PLBD1: variants seen among roughly 807,000 people sequenced by gnomAD.
PLBD1 encodes lysosomal leucine aminopeptidase.
In PLBD1, 60 loss-of-function variants were observed where a neutral mutation model predicts 63.0. That is an observed-to-expected ratio of 0.95 (90% CI 0.77 to 1.18). The LOEUF (loss-of-function observed/expected upper bound fraction) is 1.18. PLBD1 is among the 50% of genes most tolerant of loss of function. The probability of loss-of-function intolerance (pLI) is 0.00; values close to 1 mark genes in which losing one functional copy is unlikely to be tolerated. For missense variants in PLBD1, 598 were observed against 677.9 expected, an observed-to-expected ratio of 0.88 and a Z score of 1.31; for synonymous variants, 262 against 248.0, an observed-to-expected ratio of 1.06 and a Z score of -0.53.
At position 14,503,738 on chromosome 12, in the gene PLBD1, T is replaced by G. The variant is rs571390851; in HGVS notation, c.*34A>C. ...AGCTAAAATAGTGCCTTTGGTATCT[T>G]ATTTACAGTCTTCTAGTCCGTCATC... On this transcript the variant is annotated 3_prime_UTR_variant, in exon 11 of 11. Transcript: ENST00000240617. 12 of 1,567,202 alleles carry G rather than the reference T, an allele frequency of 7.7e-6. No homozygotes were observed. Among genetic ancestry groups the G allele is most frequent in the African/African-American group, 1.4e-5 (1 of 73,508 alleles).
chr12:14,514,838 G>T (rs558986913), intron 6 of PLBD1, among the ~76,000 whole-genome samples: 2 of 151,816 alleles, frequency 1.3e-5, no homozygotes, highest in South Asian at 4.2e-4. Context: ...CTCCCAAAGT[G>T]CTGGGATTAC....
At chr12:14,529,412 A>G (rs1485031558) in intron 6 of PLBD1, among the ~76,000 whole-genome samples, 1 of 152,170 alleles carries the variant, frequency 6.6e-6, no homozygotes, top group Non-Finnish European at 1.5e-5. Flanking sequence ...TGAACTAAAA[A>G]TAAATACAGA....
chr12:14,513,466 A>G (rs2136907006), intron 6 of PLBD1, among the ~76,000 whole-genome samples: 1 of 152,262 alleles, frequency 6.6e-6, no homozygotes, highest in Non-Finnish European at 1.5e-5. Flanking sequence ...AAATCACCCC[A>G]CCAGCCCTAT....
intron 2 of PLBD1, among the ~76,000 whole-genome samples, chr12:14,550,125 T>G (rs1412574434): frequency 6.6e-6 from 1 of 152,252 alleles, no homozygotes; most frequent in Non-Finnish European, 1.5e-5. Flanking sequence ...AACTCACTTC[T>G]TCCACAAAGC....
intron 8 of PLBD1, among the ~76,000 whole-genome samples, chr12:14,509,169 T>G (rs1472871525): frequency 2.0e-5 from 3 of 151,558 alleles, no homozygotes; most frequent in Non-Finnish European, 2.9e-5. Context: ...CCCAGAAGAG[T>G]GTCTAGAATG....
chr12:14,558,495 C>T (rs1945723847), intron 1 of PLBD1, among the ~76,000 whole-genome samples: 1 of 152,146 alleles, frequency 6.6e-6, no homozygotes, highest in South Asian at 2.1e-4. Flanking sequence ...TTCCCTTCCA[C>T]CCTCGACTCC....
chr12:14,553,251 G>C lies in PLBD1; in HGVS notation c.277C>G (p.Leu93Val). ...EIRAGYGSQT[L>V]SNEIIMFVAG... The stretch of plus-strand genomic sequence containing the variant: ...ACAAACATGATGATCTCATTGCTCA[G>C]GGTTTGAGAGCCATAGCCAGCTCTG... Residue 93 changes from leucine to valine, a missense_variant, in exon 2 of 11, where the codon CTG becomes GTG. Physicochemically the swap from Leu to Val is conservative, Grantham distance 32. Coordinates refer to ENST00000240617, the MANE Select transcript of PLBD1 (RefSeq NM_024829.6). 3.1e-6 allele frequency: 5 copies of C among 1,614,152 alleles called. No homozygotes were observed. The highest frequency in any genetic ancestry group is 4.2e-6 in the Non-Finnish European group (5 of 1,180,026).
At chr12:14,540,547 G>GA (rs1945564116) in intron 4 of PLBD1, among the ~76,000 whole-genome samples, 1 of 152,124 alleles carries the variant, frequency 6.6e-6, no homozygotes, top group Non-Finnish European at 1.5e-5. Context: ...ATGGAAGATT[G>GA]AAAATACACA....
At chr12:14,527,899 T>C (rs747407305) in intron 6 of PLBD1, among the ~76,000 whole-genome samples, 1 of 150,410 alleles carries the variant, frequency 6.6e-6, no homozygotes, top group Non-Finnish European at 1.5e-5. Context: ...TATATTAATA[T>C]AAGACAATGT....
At chr12:14,539,559 A>C (rs904887707) in intron 4 of PLBD1, among the ~76,000 whole-genome samples, 7 of 151,698 alleles carry the variant, frequency 4.6e-5, no homozygotes, top group Admixed American at 3.9e-4. Flanking sequence ...GTTGAGGCGG[A>C]TGGATCTTTT....
intron 6 of PLBD1, among the ~76,000 whole-genome samples, chr12:14,512,934 C>T (rs1276134892): frequency 1.3e-5 from 2 of 152,148 alleles, no homozygotes; most frequent in Admixed American, 6.5e-5. Context: ...CTTGGGCTTC[C>T]CAGCCTCCAG....
intron 6 of PLBD1, among the ~76,000 whole-genome samples, chr12:14,530,616 G>A (rs569068781): frequency 6.6e-6 from 1 of 152,260 alleles, no homozygotes; most frequent in African/African-American, 2.4e-5. Context: ...ATTAAAGACT[G>A]AAATAAACAA....
chr12:14,515,360 G>A (rs550164002), intron 6 of PLBD1, among the ~76,000 whole-genome samples: 1 of 152,154 alleles, frequency 6.6e-6, no homozygotes, highest in East Asian at 1.9e-4. Context: ...AGACATCAGT[G>A]TTCTGGGATG....
intron 1 of PLBD1, among the ~76,000 whole-genome samples, chr12:14,556,723 C>T (rs184047435): frequency 3.4e-4 from 51 of 149,676 alleles, no homozygotes; most frequent in Admixed American, 2.2e-3. Context: ...AGTGGTTCAC[C>T]GCTGTAATTC....
chr12:14,521,118 G>C (rs979318186), intron 6 of PLBD1, among the ~76,000 whole-genome samples: 6 of 152,110 alleles, frequency 3.9e-5, no homozygotes, highest in African/African-American at 1.4e-4. Flanking sequence ...AGCAGCTACT[G>C]TTTCCTATCC....
chr12:14,513,120 AT>A (rs1945311131), intron 6 of PLBD1, among the ~76,000 whole-genome samples: 1 of 152,080 alleles, frequency 6.6e-6, no homozygotes, highest in South Asian at 2.1e-4. Context: ...TATTTTTGTT[AT>A]TTTTTAACTG....
At chr12:14,508,817 T>C (rs1945274457) in intron 8 of PLBD1, among the ~76,000 whole-genome samples, 1 of 152,152 alleles carries the variant, frequency 6.6e-6, no homozygotes, top group Non-Finnish European at 1.5e-5. Context: ...CACAAAAACC[T>C]GATGATGTAT....
intron 1 of PLBD1, among the ~76,000 whole-genome samples, chr12:14,558,410 C>T (rs1230919583): frequency 3.3e-5 from 5 of 152,128 alleles, no homozygotes; most frequent in Admixed American, 3.3e-4. Context: ...CAGAAACTTC[C>T]CTTCTCCACC....
At chr12:14,511,154 C>CCCCAAA in intron 8 of PLBD1, 106 bp downstream of exon 8, 5 of 1,124,392 alleles carry the variant, frequency 4.4e-6, no homozygotes, top group Non-Finnish European at 5.0e-6. Flanking sequence ...CTGTCTTCCC[C>CCCCAAA]ACCATACCCT....
Sources: gnomAD v4.1 joint callset for allele counts (sites outside exome capture counted in the v4.1 genomes callset) on GRCh38, gnomAD v4.1.1 for gene constraint, MANE v1.5 for transcripts, NCBI Gene and HGNC (gene_info 2026-07-23, HGNC 2026-07-21) for gene names.